SATB1: variants seen among roughly 807,000 people sequenced by gnomAD.
The protein encoded by SATB1 is DNA-binding protein SATB1.
Under a neutral mutation model 86.9 loss-of-function variants are expected in SATB1, and 11 were observed. The ratio of observed to expected loss-of-function variants is 0.13; its 90% CI spans 0.08 to 0.21. SATB1 has a LOEUF of 0.21. Ranked by LOEUF, SATB1 falls within the 10% of genes least tolerant of loss-of-function variation. The probability of loss-of-function intolerance (pLI) is 1.00; values close to 1 mark genes in which losing one functional copy is unlikely to be tolerated. For synonymous variants in SATB1, 357 were observed against 357.2 expected (o/e 1.00, Z 0.01); for missense variants, 551 against 937.6 (o/e 0.59, Z 5.39).
chr3:18,351,805 G>A (rs182153374), intron 10 of SATB1, 187 bp downstream of exon 10: 40 of 608,486 alleles, frequency 6.6e-5, no homozygotes, highest in Admixed American at 5.3e-4. Context: ...AGAGGAACAC[G>A]ATACATACGC....
chr3:18,364,578 A>AT (rs34972732), intron 9 of SATB1, among the ~76,000 whole-genome samples: 2,793 of 152,142 alleles, frequency 0.018, 53 homozygotes, highest in African/African-American at 0.038. Context: ...AAATAAAGTC[A>AT]TTTTTTTCAT....
intron 5 of SATB1, among the ~76,000 whole-genome samples, chr3:18,407,300 G>A (rs1474968426): frequency 6.6e-6 from 1 of 152,062 alleles, no homozygotes; most frequent in East Asian, 1.9e-4. Flanking sequence ...TATAATGACT[G>A]TAAGTGTTCC....
At chr3:18,419,803 C>T (rs1427122694) in intron 2 of SATB1, among the ~76,000 whole-genome samples, 2 of 152,128 alleles carry the variant, frequency 1.3e-5, no homozygotes, top group South Asian at 2.1e-4. Context: ...AAAGATCTAA[C>T]AATACGGACT....
At chr3:18,369,543 T>TA (rs927447858) in intron 9 of SATB1, among the ~76,000 whole-genome samples, 4 of 151,718 alleles carry the variant, frequency 2.6e-5, no homozygotes, top group South Asian at 4.2e-4. Flanking sequence ...CCCCAACCCT[T>TA]AAAAAAAAGG....
At chr3:18,445,248 C>G in intron 1 of SATB1, 2 of 981,908 alleles carry the variant, frequency 2.0e-6, no homozygotes, top group Non-Finnish European at 2.4e-6. Flanking sequence ...CGGCCGCTGG[C>G]GACACTAGGC....
At chr3:18,428,707 A>G (rs2125191463), upstream of SATB1, among the ~76,000 whole-genome samples, 1 of 152,360 alleles carries the variant, frequency 6.6e-6, no homozygotes, top group Non-Finnish European at 1.5e-5. Context: ...CACATTTAAA[A>G]CAGAGTGCAT....
intron 8 of SATB1, among the ~76,000 whole-genome samples, chr3:18,384,719 ATCTTTTC>A (rs1696240461): frequency 6.6e-6 from 1 of 152,100 alleles, no homozygotes; most frequent in Non-Finnish European, 1.5e-5. Flanking sequence ...GTCATAGTTT[ATCTTTTC>A]TCTTTAACCA....
chr3:18,411,015 T>A (rs911706401), intron 5 of SATB1: 8 of 394,962 alleles, frequency 2.0e-5, no homozygotes, highest in Non-Finnish European at 3.6e-5. Context: ...ATTTTTCCAT[T>A]AATAAATAAA....
At chr3:18,406,194 A>C (rs1697520912) in intron 5 of SATB1, among the ~76,000 whole-genome samples, 1 of 152,014 alleles carries the variant, frequency 6.6e-6, no homozygotes, top group South Asian at 2.1e-4. Flanking sequence ...CTCTAAATTC[A>C]GGTGACTCTA....
intron 9 of SATB1, among the ~76,000 whole-genome samples, chr3:18,367,564 G>C (rs1243076819): frequency 1.3e-5 from 2 of 152,158 alleles, no homozygotes; most frequent in Non-Finnish European, 2.9e-5. Context: ...CTTCTTATTA[G>C]ATAGGGACCT....
upstream of SATB1, among the ~76,000 whole-genome samples, chr3:18,440,042 T>C (rs1699195385): frequency 6.6e-6 from 1 of 152,194 alleles, no homozygotes; most frequent in Non-Finnish European, 1.5e-5. Flanking sequence ...CAGAACTCCA[T>C]TAAAAACTTA....
chr3:18,358,684 T>A (rs1210124136), intron 9 of SATB1, among the ~76,000 whole-genome samples: 1 of 152,038 alleles, frequency 6.6e-6, no homozygotes, highest in Non-Finnish European at 1.5e-5. Flanking sequence ...TGTGCATGTA[T>A]GTATCCCCCA....
chr3:18,362,847 T>A, intron 9 of SATB1, among the ~76,000 whole-genome samples: 1 of 86,798 alleles, frequency 1.2e-5, no homozygotes, highest in Admixed American at 1.6e-4. Context: ...TGAATATTCA[T>A]ATATGCCATG....
At chr3:18,382,529 TA>T (rs990221034) in intron 8 of SATB1, among the ~76,000 whole-genome samples, 4 of 152,280 alleles carry the variant, frequency 2.6e-5, no homozygotes, top group Admixed American at 6.5e-5. Flanking sequence ...TTATTGTTCA[TA>T]AAAATTCCTC....
intron 2 of SATB1, among the ~76,000 whole-genome samples, chr3:18,431,200 A>G (rs942842122): frequency 2.0e-5 from 3 of 152,020 alleles, no homozygotes; most frequent in Admixed American, 6.5e-5. Context: ...AAGATGCCTC[A>G]TTTTTTTCCT....
intron 1 of SATB1, chr3:18,445,196 C>T: frequency 1.0e-6 from 1 of 980,622 alleles, no homozygotes; most frequent in Non-Finnish European, 1.2e-6. Context: ...CCCGCCTCCC[C>T]AGCGCCCGCC....
intron 7 of SATB1, among the ~76,000 whole-genome samples, chr3:18,389,839 T>G (rs371966188): frequency 2.2e-3 from 334 of 152,240 alleles, no homozygotes; most frequent in Non-Finnish European, 4.0e-3. Context: ...CAGTACCTCA[T>G]AAATATTCAT....
At chr3:18,384,021 G>A (rs1696193379) in intron 8 of SATB1, among the ~76,000 whole-genome samples, 1 of 152,094 alleles carries the variant, frequency 6.6e-6, no homozygotes, top group Non-Finnish European at 1.5e-5. Flanking sequence ...TAATACTGCA[G>A]TAATAGAAAT....
chr3:18,360,692 G>A (rs1694866271), intron 9 of SATB1, among the ~76,000 whole-genome samples: 1 of 151,980 alleles, frequency 6.6e-6, no homozygotes, highest in African/African-American at 2.4e-5. Context: ...AGATAATAAT[G>A]GTATTAATCT....
Sources: gnomAD v4.1 joint callset for allele counts (sites outside exome capture counted in the v4.1 genomes callset) on GRCh38, gnomAD v4.1.1 for gene constraint, MANE v1.5 for transcripts, NCBI Gene and HGNC (gene_info 2026-07-23, HGNC 2026-07-21) for gene names.